Variants in NCKAP5 observed in about 807,000 individuals in gnomAD.
NCKAP5 encodes NCK associated protein 5, also known as nck-associated protein 5.
A neutral mutation model predicts 167.0 loss-of-function variants in NCKAP5; 92 were observed. The observed-to-expected ratio is 0.55, with a 90% CI of 0.47 to 0.66. The LOEUF is 0.66. Ranked by LOEUF, NCKAP5 falls within the 30% of genes least tolerant of loss-of-function variation. The probability of loss-of-function intolerance (pLI) is 0.00; values close to 1 mark genes in which losing one functional copy is unlikely to be tolerated. For synonymous variants in NCKAP5, 891 were observed against 877.4 expected (o/e 1.02, Z -0.27); for missense variants, 2,378 against 2,315.0 (o/e 1.03, Z -0.56).
At chr2:133,603,355 A>T in the NCKAP5 span, among the ~76,000 whole-genome samples, 1 of 150,372 alleles carries the variant, frequency 6.7e-6, no homozygotes, top group African/African-American at 2.5e-5. Context: ...CCTCCCAAGT[A>T]GCTGGGATTA....
chr2:132,977,282 G>A (rs187038664), intron 7 of NCKAP5, among the ~76,000 whole-genome samples: 166 of 152,278 alleles, frequency 1.1e-3, no homozygotes, highest in African/African-American at 3.8e-3. Context: ...CTATTCTTAA[G>A]TACTTTCAAC....
At chr2:132,799,205 C>G (rs891510570) in intron 11 of NCKAP5, among the ~76,000 whole-genome samples, 3 of 151,830 alleles carry the variant, frequency 2.0e-5, no homozygotes, top group African/African-American at 7.3e-5. Context: ...ATACTGAGCA[C>G]ACATGGACAT....
intron 3 of NCKAP5, among the ~76,000 whole-genome samples, chr2:133,491,738 C>T (rs1007788951): frequency 6.6e-6 from 1 of 152,058 alleles, no homozygotes; most frequent in African/African-American, 2.4e-5. Flanking sequence ...GTTGAAGGGC[C>T]ATAAGATGAC....
At chr2:133,654,410 A>AAATAAATC in the NCKAP5 span, among the ~76,000 whole-genome samples, 1 of 150,124 alleles carries the variant, frequency 6.7e-6, no homozygotes, top group African/African-American at 2.5e-5. Flanking sequence ...ATAAATAAAT[A>AAATAAATC]AATCCCTCAA....
At chr2:132,733,125 T>C (rs1224125785) in intron 16 of NCKAP5, among the ~76,000 whole-genome samples, 1 of 152,148 alleles carries the variant, frequency 6.6e-6, no homozygotes, top group Non-Finnish European at 1.5e-5. Context: ...AAAAGTACAG[T>C]ATCTGAAAAA....
At chr2:132,695,468 G>C (rs1416687601) in intron 19 of NCKAP5, among the ~76,000 whole-genome samples, 1 of 152,104 alleles carries the variant, frequency 6.6e-6, no homozygotes, top group Non-Finnish European at 1.5e-5. Context: ...TGATCTTGGA[G>C]CTTCCTTTTA....
At chr2:133,196,109 A>G (rs2085425334) in intron 5 of NCKAP5, among the ~76,000 whole-genome samples, 1 of 152,140 alleles carries the variant, frequency 6.6e-6, no homozygotes. Context: ...ATAAAGGTTC[A>G]CTATGCTCGT....
At chr2:133,343,596 G>A (rs867012365) in intron 3 of NCKAP5, among the ~76,000 whole-genome samples, 2 of 152,056 alleles carry the variant, frequency 1.3e-5, no homozygotes, top group Non-Finnish European at 1.5e-5. Flanking sequence ...ATCCATCCAT[G>A]CATCCATCCA....
the NCKAP5 span, among the ~76,000 whole-genome samples, chr2:133,613,511 A>C: frequency 6.6e-6 from 1 of 152,236 alleles, no homozygotes; most frequent in Non-Finnish European, 1.5e-5. Flanking sequence ...ATTCAAAAAA[A>C]TATAAGCAGT....
chr2:132,917,473 T>C (rs1390366641), intron 8 of NCKAP5, among the ~76,000 whole-genome samples: 1 of 152,108 alleles, frequency 6.6e-6, no homozygotes, highest in African/African-American at 2.4e-5. Context: ...ATCTATTGGG[T>C]TGGTTGACTC....
the NCKAP5 span, among the ~76,000 whole-genome samples, chr2:133,632,776 CA>C: frequency 6.6e-6 from 1 of 152,192 alleles, no homozygotes; most frequent in Non-Finnish European, 1.5e-5. Flanking sequence ...TAGGTTCTAT[CA>C]GGAAAACTTA....
At chr2:133,406,608 G>A (rs1688452385) in intron 3 of NCKAP5, among the ~76,000 whole-genome samples, 1 of 151,216 alleles carries the variant, frequency 6.6e-6, no homozygotes, top group Admixed American at 6.6e-5. Context: ...GAGGGAGGGA[G>A]GGAGGGAGGG....
chr2:133,007,135 C>T (rs1339113474), intron 6 of NCKAP5, among the ~76,000 whole-genome samples: 2 of 152,164 alleles, frequency 1.3e-5, no homozygotes, highest in African/African-American at 2.4e-5. Context: ...TCAGCGGAGG[C>T]CCTCTCACCA....
intron 2 of NCKAP5, among the ~76,000 whole-genome samples, chr2:133,533,885 G>A (rs1475338450): frequency 6.6e-6 from 1 of 152,132 alleles, no homozygotes; most frequent in Non-Finnish European, 1.5e-5. Flanking sequence ...CCTAAGGTAT[G>A]TAAGTACATG....
At chr2:133,122,161 G>C (rs1236742390) in intron 6 of NCKAP5, 2 of 152,192 alleles carry the variant, frequency 1.3e-5, no homozygotes, top group Non-Finnish European at 2.9e-5. Context: ...GTAGTTACAT[G>C]AGGGTCAATG....
At chr2:133,092,590 AT>A (rs58364297) in intron 6 of NCKAP5, among the ~76,000 whole-genome samples, 9,974 of 152,106 alleles carry the variant, frequency 0.066, 1,044 homozygotes, top group African/African-American at 0.22. Flanking sequence ...AAATAACATA[AT>A]TTTTTTTCAA....
rs1683917252 is a variant in NCKAP5, at chr2:132,672,866, G to C, written c.*423C>G. 1 of 649,944 alleles carries C rather than the reference G, an allele frequency of 1.5e-6. No individual in the cohort carries two copies. Among genetic ancestry groups the C allele is most frequent in the African/African-American group, 2.0e-5 (1 of 50,354 alleles). 40.3% of individuals were successfully genotyped at this position (649,944 alleles called of 1,614,324 possible). ...AGTCTATCTTTATTGCCCTGTCAGA[G>C]AAATAAGCTCTGGTGGGTTGCCTGC... is the stretch of plus-strand genomic sequence containing the variant. On this transcript the variant is annotated 3_prime_UTR_variant, in exon 20 of 20. Transcript: ENST00000409261.
chr2:133,455,135 G>T (rs1380525697), intron 3 of NCKAP5, among the ~76,000 whole-genome samples: 1 of 152,028 alleles, frequency 6.6e-6, no homozygotes, highest in Non-Finnish European at 1.5e-5. Flanking sequence ...ATACCAACAA[G>T]AACAGGATAT....
intron 19 of NCKAP5, among the ~76,000 whole-genome samples, chr2:132,710,526 T>C (rs1392411782): frequency 6.6e-6 from 1 of 152,178 alleles, no homozygotes; most frequent in Non-Finnish European, 1.5e-5. Context: ...CCCAAAGCCA[T>C]TATCCAGTTT....
Sources: allele counts gnomAD v4.1 joint callset (sites outside exome capture counted in the v4.1 genomes callset), GRCh38; gene constraint gnomAD v4.1.1; transcripts MANE v1.5; gene names NCBI Gene and HGNC (gene_info 2026-07-23, HGNC 2026-07-21).